The following SAMSN1 variants were observed in gnomAD, a reference collection of about 807,000 sequenced individuals.
The protein encoded by SAMSN1 is SAM domain, SH3 domain and nuclear localization signals 1.
A neutral mutation model predicts 42.0 loss-of-function variants in SAMSN1; 31 were observed. That is an observed-to-expected ratio of 0.74 (90% CI 0.55 to 1.00). The LOEUF is 1.00. SAMSN1 is among the 50% of genes least tolerant of loss of function. The pLI, the probability that SAMSN1 is intolerant of heterozygous loss-of-function variation, is 0.00. For missense variants in SAMSN1, 464 were observed against 439.4 expected, an observed-to-expected ratio of 1.06 and a Z score of -0.50; for synonymous variants, 178 against 151.9, an observed-to-expected ratio of 1.17 and a Z score of -1.26.
chr21:14,611,070 C>T (rs1982693951), intron 4 of SAMSN1, among the ~76,000 whole-genome samples: 1 of 151,838 alleles, frequency 6.6e-6, no homozygotes, highest in Non-Finnish European at 1.5e-5. Flanking sequence ...AAACTACAGT[C>T]ATGTGCCACC....
rs538552632 is a variant in SAMSN1 at position 14,625,293 on chromosome 21, G to T, written c.157-9277C>A. Reference sequence around the variant, plus strand: ...TTCTGGCCAGGGCAATCAAGCAGGAGAAAGAAATACAGGGTATTCAATTAG... The same window carrying T: ...TTCTGGCCAGGGCAATCAAGCAGGATAAAGAAATACAGGGTATTCAATTAG... On this transcript the variant is annotated intron_variant, in intron 2 of 15. Transcript: ENST00000647101. 1.5e-4 allele frequency among the ~76,000 whole-genome samples: 23 copies of T among 152,188 alleles called. No individual in the cohort carries two copies. The East Asian group carries it at 3.7e-3, about 24-fold the overall frequency.
intron 2 of SAMSN1, among the ~76,000 whole-genome samples, chr21:14,641,253 G>C (rs1315786740): frequency 6.6e-6 from 1 of 152,122 alleles, no homozygotes; most frequent in Non-Finnish European, 1.5e-5. Flanking sequence ...AGTTTCCACT[G>C]CATTGAAAAA....
chr21:14,558,540 C>G (rs1882916), intron 2 of SAMSN1, among the ~76,000 whole-genome samples: 88,652 of 151,698 alleles, frequency 0.58, 26,998 homozygotes, highest in East Asian at 0.79. Flanking sequence ...AATTAGCCGG[C>G]CGTGGTGATG....
At chr21:14,548,745 A>G (rs1980507991), upstream of SAMSN1, among the ~76,000 whole-genome samples, 1 of 152,038 alleles carries the variant, frequency 6.6e-6, no homozygotes, top group South Asian at 2.1e-4. Flanking sequence ...CAAGGTTACA[A>G]ATGTTTTTAT....
At chr21:14,522,196 T>C (rs553036313) in intron 1 of SAMSN1, among the ~76,000 whole-genome samples, 4 of 152,342 alleles carry the variant, frequency 2.6e-5, no homozygotes, top group Non-Finnish European at 5.9e-5. Flanking sequence ...ATTTTTATTA[T>C]GCAACTCAAT....
At position 14,622,914 on chromosome 21, in the gene SAMSN1, C is replaced by T. The variant is rs192699033; in HGVS notation, c.157-6898G>A. 1.3e-3 allele frequency among the ~76,000 whole-genome samples: 203 copies of T among 152,284 alleles called. 1 individual carries two copies. Among genetic ancestry groups the T allele is most frequent in the Non-Finnish European group, 2.2e-3 (153 of 68,018 alleles). On this transcript the variant is annotated intron_variant, in intron 2 of 15. Transcript: ENST00000647101. ...AAAGGGAAGCCCATCTGACTAACAG[C>T]GGACCTCTCAGCAGAAACTCCACAA...
At chr21:14,597,264 CA>C (rs1466415421) in intron 6 of SAMSN1, among the ~76,000 whole-genome samples, 1 of 152,040 alleles carries the variant, frequency 6.6e-6, no homozygotes, top group African/African-American at 2.4e-5. Flanking sequence ...TCCAGTGACC[CA>C]GCGTTGTGAC....
intron 1 of SAMSN1, among the ~76,000 whole-genome samples, chr21:14,654,255 A>G (rs1042965453): frequency 5.3e-5 from 8 of 152,148 alleles, no homozygotes; most frequent in African/African-American, 1.9e-4. Flanking sequence ...TGCCTTGTCT[A>G]CCTTTAGAAC....
rs995286454 is a variant in SAMSN1, at chr21:14,579,820, G to A, written c.261+2316C>T. Among the ~76,000 whole-genome samples the A allele has an allele frequency of 2.0e-5, 3 of 151,898 alleles. No homozygotes were observed. The South Asian group carries it at 6.2e-4, about 32-fold the overall frequency. On this transcript the variant is annotated intron_variant, in intron 2 of 8. Coordinates refer to the SAMSN1 transcript ENST00000285670. Reference sequence around the variant, plus strand: ...TTTATTGAGGACCCATTACATTATAGGAACTATGGAGGATACAAAGATAAG... The same window carrying A: ...TTTATTGAGGACCCATTACATTATAAGAACTATGGAGGATACAAAGATAAG...
chr21:14,616,504 T>TC (rs1428668181), intron 2 of SAMSN1, among the ~76,000 whole-genome samples: 1 of 152,152 alleles, frequency 6.6e-6, no homozygotes, highest in Non-Finnish European at 1.5e-5. Context: ...GGTGTTGAAA[T>TC]ACATCTGTGA....
chr21:14,582,603 A>ATTCAAT (rs1981776415), intron 1 of SAMSN1: 1 of 427,910 alleles, frequency 2.3e-6, no homozygotes, highest in Non-Finnish European at 4.2e-6. Flanking sequence ...CCAAGAAGTC[A>ATTCAAT]TTCAATTTTA....
chr21:14,653,656 G>A (rs1487154823), intron 1 of SAMSN1, among the ~76,000 whole-genome samples: 1 of 151,982 alleles, frequency 6.6e-6, no homozygotes, highest in Non-Finnish European at 1.5e-5. Flanking sequence ...GGTGTAAGTG[G>A]AATGTTTTTA....
In SAMSN1 at chr21:14,516,938, T is replaced by C; in HGVS notation, c.233A>G (p.Lys78Arg). The C allele has an allele frequency of 1.2e-6, 2 of 1,613,244 alleles. No individual in the cohort carries two copies. The highest frequency in any genetic ancestry group is 1.7e-6 in the Non-Finnish European group (2 of 1,179,590). ...KKMRAISWTM[K>R]KKVGKKYIKA... ...GATGTACTTTTTACCCACTTTTTTCTTCATTGTCCATGAAATAGCTCTCAT... is the reference window on the plus strand; with the variant it reads ...GATGTACTTTTTACCCACTTTTTTCCTCATTGTCCATGAAATAGCTCTCAT... Residue 78 changes from lysine to arginine, a missense_variant, in exon 3 of 8, where the codon AAG (lysine) becomes AGG (arginine). Transcript: ENST00000400566.
intron 1 of SAMSN1, among the ~76,000 whole-genome samples, chr21:14,648,062 G>A (rs1168408278): frequency 6.7e-6 from 1 of 149,042 alleles, no homozygotes; most frequent in Non-Finnish European, 1.5e-5. Context: ...CCTGTCTTGT[G>A]CCAGTTTTCA....
rs759184397 is a variant in SAMSN1 at position 14,521,251 on chromosome 21, A to AACTT, written c.58-34_58-31dup. On this transcript the variant is annotated intron_variant, in intron 1 of 7. Transcript: ENST00000400566. The stretch of plus-strand genomic sequence containing the variant: ...AAAATAGAAAAGAAAAAGCAAAGGA[A>AACTT]ACTTAGAATTTATTTTCACTGTCCA... 3.4e-5 allele frequency: 52 copies of AACTT among 1,523,836 alleles called. No homozygotes were observed. In the African/African-American group the frequency reaches 6.6e-4, roughly 19 times the overall value. The allele number at this position is 1,523,836 out of a possible 1,614,324, so 94.4% of individuals were successfully genotyped here.
At chr21:14,495,564 A>C (rs1407032996) in intron 7 of SAMSN1, 1 of 151,938 alleles carries the variant, frequency 6.6e-6, no homozygotes, top group East Asian at 1.9e-4. Context: ...TCCATTTTTC[A>C]TCTCCCAGAA....
intron 2 of SAMSN1, among the ~76,000 whole-genome samples, chr21:14,638,320 T>G (rs760813795): frequency 2.6e-5 from 4 of 152,170 alleles, no homozygotes; most frequent in Non-Finnish European, 5.9e-5. Context: ...GTTTTACTCA[T>G]TTTTTATATG....
At chr21:14,602,047 T>A (rs1568826857) in exon 6 of SAMSN1, 1 of 690,240 alleles carries the variant, frequency 1.4e-6, no homozygotes, top group Non-Finnish European at 2.7e-6. Context: ...CTTGTAGAGT[T>A]TTTCCTTGAT....
chr21:14,558,537 C>G (rs550173834), intron 2 of SAMSN1, among the ~76,000 whole-genome samples: 1 of 151,910 alleles, frequency 6.6e-6, no homozygotes, highest in East Asian at 1.9e-4. Context: ...AAAAATTAGC[C>G]GGCCGTGGTG....
Sources: allele counts gnomAD v4.1 joint callset (sites outside exome capture counted in the v4.1 genomes callset), GRCh38; gene constraint gnomAD v4.1.1; transcripts MANE v1.5; gene names NCBI Gene and HGNC (gene_info 2026-07-23, HGNC 2026-07-21).